The following PTPRN2 variants were observed in gnomAD, a reference collection of about 807,000 sequenced individuals.
PTPRN2 encodes the protein protein tyrosine phosphatase receptor type N2.
In PTPRN2, 74 loss-of-function variants were observed where a neutral mutation model predicts 118.8. The ratio of observed to expected loss-of-function variants is 0.62; its 90% CI spans 0.52 to 0.76. The LOEUF (loss-of-function observed/expected upper bound fraction) is 0.76, where lower values mean the gene tolerates loss of function less well. Ranked by LOEUF, PTPRN2 falls within the 30% of genes least tolerant of loss-of-function variation. PTPRN2 has a pLI of 0.00. For missense variants in PTPRN2, 1,481 were observed against 1,394.4 expected (o/e 1.06, Z -0.99); for synonymous variants, 641 against 608.0 (o/e 1.05, Z -0.80).
intron 2 of PTPRN2, among the ~76,000 whole-genome samples, chr7:158,450,808 G>A (rs1355557168): frequency 6.6e-6 from 1 of 152,216 alleles, no homozygotes; most frequent in East Asian, 1.9e-4. Context: ...CCACCTACGC[G>A]CTTCCTTGCG....
At chr7:158,171,310 T>TATAC (rs1823653117) in intron 5 of PTPRN2, among the ~76,000 whole-genome samples, 2 of 67,668 alleles carry the variant, frequency 3.0e-5, no homozygotes, top group African/African-American at 1.6e-4. Flanking sequence ...TATACACACA[T>TATAC]ATATATATAT....
intron 12 of PTPRN2, among the ~76,000 whole-genome samples, chr7:157,847,874 C>T (rs1466553561): frequency 2.0e-5 from 3 of 151,148 alleles, no homozygotes; most frequent in African/African-American, 2.4e-5. Context: ...TCTCTCATTA[C>T]ATCATGTGTG....
At chr7:158,585,096 G>A (rs1169496335) in intron 1 of PTPRN2, among the ~76,000 whole-genome samples, 2 of 152,214 alleles carry the variant, frequency 1.3e-5, no homozygotes, top group Non-Finnish European at 2.9e-5. Context: ...TCATTATTTG[G>A]AACAATGTAG....
At chr7:158,550,085 C>T (rs956829615) in intron 1 of PTPRN2, among the ~76,000 whole-genome samples, 3 of 152,186 alleles carry the variant, frequency 2.0e-5, no homozygotes, top group Admixed American at 6.5e-5. Context: ...CCTCAGAGCC[C>T]CCCAGCCTCG....
At chr7:158,218,184 G>A (rs540310383) in intron 3 of PTPRN2, among the ~76,000 whole-genome samples, 1 of 152,210 alleles carries the variant, frequency 6.6e-6, no homozygotes, top group South Asian at 2.1e-4. Context: ...CTTAAAAGCA[G>A]CTATAGAGAA....
chr7:158,195,090 G>A (rs933886913), intron 4 of PTPRN2, among the ~76,000 whole-genome samples: 48 of 152,288 alleles, frequency 3.2e-4, no homozygotes, highest in African/African-American at 1.1e-3. Flanking sequence ...TTTCCCTTCT[G>A]CCAGAACGGC....
intron 1 of PTPRN2, among the ~76,000 whole-genome samples, chr7:158,568,682 TTCTA>T (rs1827799496): frequency 6.6e-6 from 1 of 152,188 alleles, no homozygotes; most frequent in African/African-American, 2.4e-5. Flanking sequence ...TTCTATTTTT[TTCTA>T]TCTTTTTAAT....
chr7:157,597,410 C>T (rs1801405870), intron 16 of PTPRN2, among the ~76,000 whole-genome samples: 1 of 151,784 alleles, frequency 6.6e-6, no homozygotes, highest in Non-Finnish European at 1.5e-5. Context: ...TTTACAGAGA[C>T]CCCTGTCTCT....
intron 3 of PTPRN2, among the ~76,000 whole-genome samples, chr7:158,260,022 T>C (rs564650550): frequency 1.3e-5 from 2 of 150,628 alleles, no homozygotes; most frequent in East Asian, 1.9e-4. Flanking sequence ...GTCCCTGGTG[T>C]ACATGTATGT....
intron 12 of PTPRN2, among the ~76,000 whole-genome samples, chr7:157,844,412 C>G (rs1328663101): frequency 6.6e-6 from 1 of 152,152 alleles, no homozygotes; most frequent in Non-Finnish European, 1.5e-5. Context: ...AGATGGAGGA[C>G]AGTGGGGAGA....
chr7:158,071,987 G>T (rs1448361650), intron 11 of PTPRN2, among the ~76,000 whole-genome samples: 1 of 111,740 alleles, frequency 8.9e-6, no homozygotes, highest in Non-Finnish European at 1.8e-5. Context: ...TGGTGGAGGT[G>T]CTCGTGGTGG....
chr7:158,042,288 G>A lies in PTPRN2; in HGVS notation c.1723+39010C>T, dbSNP rs113712273. On this transcript the variant is annotated intron_variant, in intron 11 of 22. Coordinates refer to ENST00000389418, the MANE Select transcript of PTPRN2 (RefSeq NM_002847.5). ...CAGGAGCTCATCCGACTGCCCCATCGTGCTTGACTCTTCCCCAGCAGAGGG... is the reference window on the plus strand; with the variant it reads ...CAGGAGCTCATCCGACTGCCCCATCATGCTTGACTCTTCCCCAGCAGAGGG... Among the ~76,000 whole-genome samples the A allele has an allele frequency of 9.5e-3, 1,443 of 152,248 alleles. 25 individuals carry two copies. The highest frequency in any genetic ancestry group is 0.032 in the African/African-American group (1,339 of 41,550).
At chr7:158,002,720 G>C (rs76435240) in intron 11 of PTPRN2, among the ~76,000 whole-genome samples, 2 of 152,208 alleles carry the variant, frequency 1.3e-5, no homozygotes, top group Non-Finnish European at 2.9e-5. Context: ...ATCTGAGGAC[G>C]TTTCGGGCAG....
intron 2 of PTPRN2, among the ~76,000 whole-genome samples, chr7:158,346,637 T>C (rs73510373): frequency 0.056 from 8,519 of 152,252 alleles, 586 homozygotes; most frequent in African/African-American, 0.16. Context: ...AAATACCTCA[T>C]AGTGGGATTG....
intron 11 of PTPRN2, among the ~76,000 whole-genome samples, chr7:158,011,223 G>C (rs1381262597): frequency 6.6e-6 from 1 of 152,230 alleles, no homozygotes; most frequent in African/African-American, 2.4e-5. Flanking sequence ...TGCTGTGAAA[G>C]TTTTTCACAT....
At chr7:157,542,869 G>A (rs939877462) in intron 22 of PTPRN2, among the ~76,000 whole-genome samples, 5 of 152,234 alleles carry the variant, frequency 3.3e-5, no homozygotes, top group Non-Finnish European at 7.3e-5. Context: ...TCCCGGAGGG[G>A]TGCTGTGAGC....
chr7:157,901,893 G>A (rs1351166787), intron 11 of PTPRN2, among the ~76,000 whole-genome samples: 9 of 142,554 alleles, frequency 6.3e-5, no homozygotes, highest in South Asian at 2.3e-4. Context: ...GGGCCTTCCC[G>A]TCCGTGTTTC....
intron 11 of PTPRN2, among the ~76,000 whole-genome samples, chr7:158,062,110 G>A (rs933395085): frequency 4.3e-4 from 65 of 152,260 alleles, no homozygotes; most frequent in African/African-American, 1.4e-3. Context: ...TCAGTAAAGC[G>A]ACGGGCGACG....
At chr7:158,148,514 G>A in intron 6 of PTPRN2, among the ~76,000 whole-genome samples, 2 of 120,330 alleles carry the variant, frequency 1.7e-5, no homozygotes, top group Non-Finnish European at 3.4e-5. Context: ...CCCCCTCACT[G>A]ACACCCCATC....
Sources: gnomAD v4.1 joint callset for allele counts (sites outside exome capture counted in the v4.1 genomes callset) on GRCh38, gnomAD v4.1.1 for gene constraint, MANE v1.5 for transcripts, NCBI Gene and HGNC (gene_info 2026-07-23, HGNC 2026-07-21) for gene names.